The following IQGAP1 variants were observed in gnomAD, a reference collection of about 807,000 sequenced individuals.
IQGAP1 encodes IQ motif containing GTPase activating protein 1, also known as ras GTPase-activating-like protein IQGAP1.
Under a neutral mutation model 215.6 loss-of-function variants are expected in IQGAP1, and 66 were observed. The ratio of observed to expected loss-of-function variants is 0.31; its 90% CI spans 0.25 to 0.38. The LOEUF (loss-of-function observed/expected upper bound fraction) is 0.38. IQGAP1 is among the 10% of genes least tolerant of loss of function. IQGAP1 has a pLI of 1.00. For missense variants in IQGAP1, 1,712 were observed against 1,997.1 expected (o/e 0.86, Z 2.72); for synonymous variants, 772 against 728.7 (o/e 1.06, Z -0.96).
intron 2 of IQGAP1, among the ~76,000 whole-genome samples, chr15:90,411,783 G>A (rs2589949): frequency 0.36 from 54,772 of 151,994 alleles, 10,499 homozygotes; most frequent in East Asian, 0.67. Context: ...ATGCTCCATG[G>A]TAAGTGGTAA....
rs923666599 is a variant in IQGAP1, at chr15:90,500,136, A to G, written c.*28A>G. 2 of 1,339,814 alleles carry G rather than the reference A, an allele frequency of 1.5e-6. No homozygotes were observed. Among genetic ancestry groups the G allele is most frequent in the Non-Finnish European group, 1.1e-6 (1 of 931,084 alleles). The allele number at this position is 1,339,814 out of a possible 1,614,324, so 83.0% of individuals were successfully genotyped here. A position where few individuals can be genotyped will look rare whatever the true frequency, so the allele number is the denominator to read the frequency against. On this transcript the variant is annotated 3_prime_UTR_variant, in exon 38 of 38. Coordinates refer to ENST00000268182, the MANE Select transcript of IQGAP1 (RefSeq NM_003870.4). Reference sequence around the variant, plus strand: ...GATCGTTTGCTGCCAGCCCAGAAGGATGAAGGAAAGAAGCACCTCACAGCT... The same window carrying G: ...GATCGTTTGCTGCCAGCCCAGAAGGGTGAAGGAAAGAAGCACCTCACAGCT...
intron 2 of IQGAP1, among the ~76,000 whole-genome samples, chr15:90,413,693 C>T (rs947716603): frequency 1.3e-5 from 2 of 152,158 alleles, no homozygotes; most frequent in African/African-American, 4.8e-5. Context: ...CTTCTAAATT[C>T]CTCAGATAAG....
chr15:90,394,704 A>G (rs778932286), intron 2 of IQGAP1, among the ~76,000 whole-genome samples: 8 of 152,116 alleles, frequency 5.3e-5, no homozygotes, highest in African/African-American at 1.2e-4. Context: ...AGGAGCCCCA[A>G]TATCTGGGAT....
intron 11 of IQGAP1, among the ~76,000 whole-genome samples, chr15:90,450,599 C>T (rs1043343644): frequency 6.6e-6 from 1 of 151,844 alleles, no homozygotes; most frequent in Admixed American, 6.6e-5. Flanking sequence ...TCTCTGCAGC[C>T]TTCCCAGCAT....
At chr15:90,467,041 A>G (rs1002497074) in intron 17 of IQGAP1, among the ~76,000 whole-genome samples, 3 of 152,186 alleles carry the variant, frequency 2.0e-5, no homozygotes, top group Non-Finnish European at 2.9e-5. Context: ...GCCGTGAGCC[A>G]AGATCATGCC....
chr15:90,451,196 T>C (rs1268501266), intron 11 of IQGAP1, among the ~76,000 whole-genome samples: 1 of 152,220 alleles, frequency 6.6e-6, no homozygotes, highest in African/African-American at 2.4e-5. Flanking sequence ...TATCCAGTTT[T>C]CTCAACACCA....
intron 1 of IQGAP1, among the ~76,000 whole-genome samples, chr15:90,388,941 A>G (rs995449905): frequency 6.6e-6 from 1 of 152,100 alleles, no homozygotes; most frequent in Non-Finnish European, 1.5e-5. Context: ...TAAAATAGTA[A>G]TAAAGAAAAA....
intron 11 of IQGAP1, among the ~76,000 whole-genome samples, chr15:90,450,724 C>T (rs1023779781): frequency 2.0e-5 from 3 of 151,122 alleles, no homozygotes; most frequent in Admixed American, 6.6e-5. Flanking sequence ...TTTTCATATA[C>T]CTGTTGGCCA....
rs201110512 is a variant in IQGAP1, at chr15:90,472,974, C to A, written c.2313C>A (p.Phe771Leu). 1 of 1,613,936 alleles carries A rather than the reference C, an allele frequency of 6.2e-7. No individual in the cohort carries two copies. Among genetic ancestry groups the A allele is most frequent in the Non-Finnish European group, 8.5e-7 (1 of 1,179,952 alleles). ...VRQEFRSRMNFLKKQIPAITC... is the reference protein window; with the variant it reads ...VRQEFRSRMNLLKKQIPAITC... The stretch of plus-strand genomic sequence containing the variant: ...AGGAATTCCGATCCAGGATGAATTT[C>A]CTGAAGAAACAAATCCCTGCCATCA... Residue 771 changes from phenylalanine to leucine, a missense_variant, in exon 19 of 38, where the codon TTC becomes TTA. This residue lies in a region of IQGAP1 where 1,021 missense variants were observed against 1,074.2 expected (regional missense o/e 0.95). Transcript: ENST00000268182.
intron 8 of IQGAP1, among the ~76,000 whole-genome samples, chr15:90,442,847 C>T (rs1176657176): frequency 6.6e-6 from 1 of 152,172 alleles, no homozygotes; most frequent in Non-Finnish European, 1.5e-5. Context: ...TGGTGCACGC[C>T]TGTAGTCCCA....
rs778707305 is a variant in IQGAP1 at position 90,426,181 on chromosome 15, T to G, written c.227T>G (p.Val76Gly). The G allele has an allele frequency of 1.2e-6, 2 of 1,601,354 alleles. No individual in the cohort carries two copies. Among genetic ancestry groups the G allele is most frequent in the Non-Finnish European group, 1.7e-6 (2 of 1,175,682 alleles). Residue 76 changes from valine to glycine, a missense_variant, in exon 3 of 38, where the codon GTC becomes GGC. Val to Gly is a moderately radical substitution (Grantham distance 109). Around this residue, in one of 2 missense-constraint regions of IQGAP1, gnomAD observed 1,021 missense variants for 1,074.2 expected, o/e 0.95. Coordinates refer to ENST00000268182, the MANE Select transcript of IQGAP1 (RefSeq NM_003870.4). ...CTGGAGGAGGGGCTTAGGAATGGGG[T>G]CTACCTTGCCAAACTGGGGAACTTC... ...TELEEGLRNG[V>G]YLAKLGNFFS...
chr15:90,484,469 T>C, intron 30 of IQGAP1, 117 bp downstream of exon 30: 1 of 708,950 alleles, frequency 1.4e-6, no homozygotes, highest in South Asian at 1.9e-5. Context: ...TGACAATGCA[T>C]CTCCTTGATG....
intron 15 of IQGAP1, among the ~76,000 whole-genome samples, chr15:90,459,692 G>A (rs2041985495): frequency 6.6e-6 from 1 of 152,054 alleles, no homozygotes; most frequent in Admixed American, 6.6e-5. Context: ...GTTTGTTTTT[G>A]GTTTGGGTTT....
At chr15:90,452,554 C>G (rs966367460) in intron 11 of IQGAP1, among the ~76,000 whole-genome samples, 1 of 152,196 alleles carries the variant, frequency 6.6e-6, no homozygotes, top group Non-Finnish European at 1.5e-5. Flanking sequence ...AGTTAGGAGG[C>G]TGCTTTTTGA....
intron 2 of IQGAP1, among the ~76,000 whole-genome samples, chr15:90,420,362 A>C (rs1282519842): frequency 6.6e-6 from 1 of 152,186 alleles, no homozygotes; most frequent in Non-Finnish European, 1.5e-5. Flanking sequence ...AGTGCTACTC[A>C]CATTATGCTT....
Position 90,482,046 on chromosome 15 carries a change from G to A in IQGAP1, c.3416G>A (p.Arg1139Gln), listed in dbSNP as rs749465030. The change falls in exon 27 of 38, where the codon CGG becomes CAG. Residue 1139 changes from arginine to glutamine, a missense_variant. Around this residue, in one of 2 missense-constraint regions of IQGAP1, gnomAD observed 691 missense variants for 923.0 expected, o/e 0.75. Transcript: ENST00000268182. ...CTAGACAGCTCCATCAGGAACATGC[G>A]GGCTGTGACAGACAAGTTTCTCTCA... The part of the protein sequence containing the change: ...TRLDSSIRNM[R>Q]AVTDKFLSAI... 3.1e-6 allele frequency: 5 copies of A among 1,614,184 alleles called. No individual in the cohort carries two copies. The South Asian group carries it at 3.3e-5, about 11-fold the overall frequency.
chr15:90,414,062 A>T (rs950369183), intron 2 of IQGAP1, among the ~76,000 whole-genome samples: 2 of 151,914 alleles, frequency 1.3e-5, no homozygotes, highest in Admixed American at 6.6e-5. Flanking sequence ...ACAATCATTT[A>T]AAAAAAATAA....
intron 2 of IQGAP1, among the ~76,000 whole-genome samples, chr15:90,410,322 C>T (rs1964940876): frequency 6.6e-6 from 1 of 152,204 alleles, no homozygotes; most frequent in Non-Finnish European, 1.5e-5. Flanking sequence ...TTGACCCAGC[C>T]ATCCCATTAC....
At chr15:90,486,442 T>G in intron 31 of IQGAP1, 1 of 229,590 alleles carries the variant, frequency 4.4e-6, no homozygotes, top group Non-Finnish European at 8.6e-6. Context: ...GGAAAGAATT[T>G]TTTTGTTTGT....
Sources: gnomAD v4.1 joint callset for allele counts (sites outside exome capture counted in the v4.1 genomes callset) on GRCh38, gnomAD v4.1.1 for gene constraint, gnomAD v4.1.1 regional missense constraint, MANE v1.5 for transcripts, NCBI Gene and HGNC (gene_info 2026-07-23, HGNC 2026-07-21) for gene names.